The following CCM2L variants were observed in gnomAD, a reference collection of about 807,000 sequenced individuals.
CCM2L encodes CCM2 like scaffold protein.
In CCM2L, 36 loss-of-function variants were observed where a neutral mutation model predicts 54.1. That is an observed-to-expected ratio of 0.67 (90% confidence interval 0.51 to 0.88). CCM2L has a LOEUF of 0.88. Among genes scored for constraint, CCM2L ranks in the 40% least tolerant of loss-of-function variants. CCM2L has a pLI of 0.00. For synonymous variants in CCM2L, 351 were observed against 359.3 expected (o/e 0.98, Z 0.26); for missense variants, 700 against 812.1 (o/e 0.86, Z 1.68).
chr20:32,031,139 C>T lies in CCM2L; in HGVS notation c.1541C>T (p.Ala514Val). The change falls in exon 10 of 10, where the codon GCA becomes GTA. Residue 514 changes from alanine to valine, a missense_variant. Transcript: ENST00000452892. ...KRSMSSTSAS[A>V]VRSYDGAAQR... ...AGCATGAGCTCCACGTCGGCCTCCG[C>T]AGTGCGCAGCTACGATGGCGCGGCG... 7.7e-7 allele frequency: 1 copy of T among 1,303,998 alleles called. No individual in the cohort carries two copies. The allele number at this position is 1,303,998 out of a possible 1,614,324, so 80.8% of individuals were successfully genotyped here.
intron 9 of CCM2L, 137 bp from the exon 10 acceptor site, chr20:32,030,864 G>A (rs1487115888): frequency 4.8e-6 from 3 of 621,742 alleles, no homozygotes; most frequent in African/African-American, 3.9e-5. Flanking sequence ...GGCTCAGACA[G>A]TTAAGGACCT....
chr20:32,029,124 G>C lies in CCM2L; in HGVS notation c.1263G>C (p.Thr421=). 2 of 1,614,194 alleles carry C rather than the reference G, an allele frequency of 1.2e-6. No individual in the cohort carries two copies. Among genetic ancestry groups the C allele is most frequent in the South Asian group, 1.1e-5 (1 of 91,084 alleles). Residue 421 remains threonine (T), a splice_region_variant and synonymous_variant, in exon 8 of 10, where the codon ACG becomes ACC. Transcript: ENST00000452892. ...AGCAGTTACAGGATTACATGGTCAC[G>C]GTGAGCTGGGGCCGGTGGTGGGAAT... ...GLEQLQDYMV[T]LRSKLGPLEI...
chr20:32,015,164 C>T (rs2064731341), intron 2 of CCM2L, 93 bp downstream of exon 2: 2 of 1,288,624 alleles, frequency 1.6e-6, no homozygotes, highest in South Asian at 1.8e-5. Context: ...GTATCTCACA[C>T]AGGGGAAGTT....
intron 1 of CCM2L, among the ~76,000 whole-genome samples, chr20:32,014,246 C>CATATATATAT (rs572945733): frequency 1.4e-4 from 19 of 137,514 alleles, no homozygotes; most frequent in South Asian, 2.2e-4. Context: ...TATGTGTGTA[C>CATATATATAT]ATATATATAT....
rs151190291 is a variant in CCM2L at position 32,029,169 on chromosome 20, AG to A, written c.1263+47del. The A allele has an allele frequency of 3.1e-4, 501 of 1,613,620 alleles. 1 individual carries two copies. In the African/African-American group the frequency reaches 6.3e-3, roughly 20 times the overall value. ...GGGAATGGCACAAGCAAAAGCCTGG[AG>A]GCTGGAGTAAACATTTTGGGAATGG... On this transcript the variant is annotated intron_variant, in intron 8 of 9. Coordinates refer to ENST00000452892, the MANE Select transcript of CCM2L (RefSeq NM_001365692.1).
chr20:32,012,683 G>A (rs116029588), intron 1 of CCM2L, among the ~76,000 whole-genome samples: 2 of 152,190 alleles, frequency 1.3e-5, no homozygotes, highest in East Asian at 1.9e-4. Flanking sequence ...GGCAGATAAA[G>A]TTGGAAACTC....
intron 6 of CCM2L, among the ~76,000 whole-genome samples, chr20:32,024,235 T>A (rs1298675722): frequency 5.3e-5 from 8 of 152,208 alleles, no homozygotes; most frequent in Admixed American, 2.0e-4. Flanking sequence ...CACAGCATGG[T>A]ACCAGCAGCA....
chr20:32,025,163 TTTC>T (rs2064845062), intron 6 of CCM2L, among the ~76,000 whole-genome samples: 1 of 151,804 alleles, frequency 6.6e-6, no homozygotes. Context: ...CCTTTCTTTC[TTTC>T]TTTCCTTTCT....
chr20:32,020,195 C>T (rs977478251), intron 5 of CCM2L, among the ~76,000 whole-genome samples: 2 of 152,194 alleles, frequency 1.3e-5, no homozygotes, highest in African/African-American at 2.4e-5. Context: ...TTCCTCTGAT[C>T]TTGGACCACC....
chr20:32,028,741 C>T, intron 7 of CCM2L: 1 of 498,870 alleles, frequency 2.0e-6, no homozygotes. Flanking sequence ...GGCAGAGGGA[C>T]CAGCAGGTGC....
chr20:32,013,679 G>C (rs899652554), intron 1 of CCM2L, among the ~76,000 whole-genome samples: 2 of 151,902 alleles, frequency 1.3e-5, no homozygotes, highest in Non-Finnish European at 2.9e-5. Flanking sequence ...CAAACTCCTG[G>C]GCTCCAGCTC....
At chr20:32,023,739 T>G (rs2064828757) in intron 6 of CCM2L, among the ~76,000 whole-genome samples, 1 of 152,196 alleles carries the variant, frequency 6.6e-6, no homozygotes, top group Admixed American at 6.5e-5. Flanking sequence ...GTTGTTGTTG[T>G]TTGTTTGTTT....
rs79227426 is a variant in CCM2L at position 32,011,739 on chromosome 20, C to G, written c.30+1255C>G. ...GGGAAGAGTGTTTGAGGCAGAGGAA[C>G]AGCATGTGCAAAACCCCACAGTGGG... On this transcript the variant is annotated intron_variant, in intron 1 of 9. Coordinates refer to ENST00000452892, the MANE Select transcript of CCM2L (RefSeq NM_001365692.1). Among the ~76,000 whole-genome samples, 36 of 151,964 alleles carry G rather than the reference C, an allele frequency of 2.4e-4. No homozygotes were observed. The East Asian group carries it at 6.8e-3, about 29-fold the overall frequency.
intron 6 of CCM2L, among the ~76,000 whole-genome samples, chr20:32,025,426 A>G (rs1467779259): frequency 6.6e-6 from 1 of 151,768 alleles, no homozygotes; most frequent in African/African-American, 2.4e-5. Context: ...GCACCACCGC[A>G]CCCAGCTAAT....
Position 32,032,022 on chromosome 20 carries a change from T to C in CCM2L, c.*708T>C, listed in dbSNP as rs2122387248. 1 of 152,298 alleles carries C rather than the reference T, an allele frequency of 6.6e-6. No individual in the cohort carries two copies. Among genetic ancestry groups the C allele is most frequent in the South Asian group, 2.1e-4 (1 of 4,820 alleles). The allele number at this position is 152,298 out of a possible 1,614,324, so 9.4% of individuals were successfully genotyped here. On this transcript the variant is annotated 3_prime_UTR_variant, in exon 10 of 10. Coordinates refer to ENST00000452892, the MANE Select transcript of CCM2L (RefSeq NM_001365692.1). ...ATCTGGAGCCTCTATCTGGTTAGTG[T>C]CGTAACCTCTGTGTGCCTCCCGTTA...
chr20:32,018,832 G>A (rs2122333514), intron 4 of CCM2L, 111 bp from the exon 5 acceptor site: 5 of 1,174,960 alleles, frequency 4.3e-6, no homozygotes, highest in East Asian at 3.5e-5. Flanking sequence ...CGGGGGCGAG[G>A]CGGCGGTGGA....
chr20:32,031,092 C>T lies in CCM2L; in HGVS notation c.1494C>T (p.Asp498=), dbSNP rs540720404. The T allele has an allele frequency of 2.4e-5, 31 of 1,304,282 alleles. No homozygotes were observed. The East Asian group carries it at 8.9e-4, about 37-fold the overall frequency. 80.8% of individuals were successfully genotyped at this position (1,304,282 alleles called of 1,614,324 possible). The change falls in exon 10 of 10, where the codon GAC becomes GAT. Residue 498 remains aspartate (D), a synonymous_variant. Transcript: ENST00000452892. ...TCCGCGAGGGCGGCATCCTCACTGA[C>T]AGCTTCGGCCGCATCAAGCGCAGCA... The part of the protein sequence containing the change: ...VGIREGGILT[D]SFGRIKRSMS...
intron 7 of CCM2L, among the ~76,000 whole-genome samples, chr20:32,026,974 C>T (rs2064868034): frequency 6.6e-6 from 1 of 151,962 alleles, no homozygotes; most frequent in South Asian, 2.1e-4. Flanking sequence ...CTTGAGCCCA[C>T]AAGTTTGAGA....
chr20:32,021,508 T>C (rs1171613109), intron 5 of CCM2L, among the ~76,000 whole-genome samples: 1 of 151,944 alleles, frequency 6.6e-6, no homozygotes, highest in Non-Finnish European at 1.5e-5. Context: ...ATACAAAAAA[T>C]TATCTGGGCG....
Sources: gnomAD v4.1 joint callset for allele counts (sites outside exome capture counted in the v4.1 genomes callset) on GRCh38, gnomAD v4.1.1 for gene constraint, MANE v1.5 for transcripts, NCBI Gene and HGNC (gene_info 2026-07-23, HGNC 2026-07-21) for gene names.